The following SHROOM3 variants were observed in gnomAD, a reference collection of about 807,000 sequenced individuals.
SHROOM3 encodes the protein shroom family member 3, also known as protein Shroom3.
SHROOM3 carries 47 observed loss-of-function variants against 138.6 expected under a neutral mutation model. The observed-to-expected ratio is 0.34, with a 90% confidence interval of 0.27 to 0.43. SHROOM3 has a LOEUF of 0.43. Among genes scored for constraint, SHROOM3 ranks in the 20% least tolerant of loss-of-function variants. SHROOM3 has a pLI of 1.00. For missense variants in SHROOM3, 2,491 were observed against 2,596.5 expected (o/e 0.96, Z 0.88); for synonymous variants, 1,062 against 1,063.3 (o/e 1.00, Z 0.02).
intron 1 of SHROOM3, among the ~76,000 whole-genome samples, chr4:76,455,005 A>G (rs912830871): frequency 3.3e-5 from 5 of 152,142 alleles, no homozygotes; most frequent in African/African-American, 9.7e-5. Flanking sequence ...CGCATCTTGC[A>G]ACATCACTGA....
chr4:76,449,125 C>T (rs67822548), intron 1 of SHROOM3, among the ~76,000 whole-genome samples: 8,761 of 152,194 alleles, frequency 0.058, 270 homozygotes, highest in Middle Eastern at 0.075. Context: ...TTCTCCCTCC[C>T]GTCTGAGAGT....
At chr4:76,464,719 G>C (rs982433657) in intron 1 of SHROOM3, among the ~76,000 whole-genome samples, 1 of 152,186 alleles carries the variant, frequency 6.6e-6, no homozygotes, top group African/African-American at 2.4e-5. Flanking sequence ...TCATGATAGT[G>C]AGTGAATTCT....
intron 2 of SHROOM3, among the ~76,000 whole-genome samples, chr4:76,633,308 G>A (rs1470511977): frequency 6.8e-6 from 1 of 146,926 alleles, no homozygotes; most frequent in Admixed American, 6.8e-5. Context: ...ACTCCAGCCT[G>A]GGGGACAGAG....
chr4:76,764,499 C>CTGGTCTTACTTCCTTT (rs1252971230), intron 9 of SHROOM3, among the ~76,000 whole-genome samples: 1 of 152,236 alleles, frequency 6.6e-6, no homozygotes, highest in African/African-American at 2.4e-5. Flanking sequence ...AGCTCTCCCT[C>CTGGTCTTACTTCCTTT]TGGTCTTACT....
chr4:76,567,364 G>A (rs1054597534), intron 2 of SHROOM3, among the ~76,000 whole-genome samples: 4 of 152,114 alleles, frequency 2.6e-5, no homozygotes, highest in African/African-American at 7.2e-5. Flanking sequence ...GTGAAACCCC[G>A]TCTCAGCCGG....
chr4:76,726,785 T>C (rs1362646308), intron 3 of SHROOM3, among the ~76,000 whole-genome samples: 1 of 152,126 alleles, frequency 6.6e-6, no homozygotes, highest in Non-Finnish European at 1.5e-5. Context: ...CTAGAGGGCC[T>C]ATCTGGAACC....
At position 76,489,246 on chromosome 4, in the gene SHROOM3, T is replaced by C. The variant is rs573451157; in HGVS notation, c.168+53026T>C. ...ATCTTTCAAGATATGCAATTTTTTT[T>C]CTTAACAGAATGAATGCTCCTGTAT... On this transcript the variant is annotated intron_variant, in intron 1 of 10. Coordinates refer to ENST00000296043, the MANE Select transcript of SHROOM3 (RefSeq NM_020859.4). Among the ~76,000 whole-genome samples, 3 of 152,342 alleles carry C rather than the reference T, an allele frequency of 2.0e-5. No individual in the cohort carries two copies. In the East Asian group the frequency reaches 5.8e-4, roughly 29 times the overall value.
intron 1 of SHROOM3, among the ~76,000 whole-genome samples, chr4:76,495,363 C>T (rs1304426016): frequency 6.6e-6 from 1 of 152,208 alleles, no homozygotes; most frequent in Non-Finnish European, 1.5e-5. Flanking sequence ...TACCTTCCCC[C>T]CAGGGATGGC....
intron 1 of SHROOM3, among the ~76,000 whole-genome samples, chr4:76,497,644 G>T (rs1202845622): frequency 6.6e-6 from 1 of 152,122 alleles, no homozygotes; most frequent in Non-Finnish European, 1.5e-5. Context: ...GATCACCTGA[G>T]GTCAGGAATT....
rs142329345 is a variant in SHROOM3 at position 76,606,995 on chromosome 4, C to CTGTG, written c.323+51246_323+51249dup. 7.9e-5 allele frequency among the ~76,000 whole-genome samples: 12 copies of CTGTG among 151,104 alleles called. No homozygotes were observed. In the East Asian group the frequency reaches 1.2e-3, roughly 15 times the overall value. ...TCAAAAATGGCAGTGTGTTCAAAAA[C>CTGTG]TGTGTGTGTGTGTGTGTCATATTTA... On this transcript the variant is annotated intron_variant, in intron 2 of 10. Transcript: ENST00000296043.
intron 1 of SHROOM3, among the ~76,000 whole-genome samples, chr4:76,463,379 CT>C (rs1437824548): frequency 6.6e-6 from 1 of 152,164 alleles, no homozygotes; most frequent in African/African-American, 2.4e-5. Context: ...CTTCTAACAG[CT>C]TAGGCTCATA....
At chr4:76,538,733 C>CT (rs60628667) in intron 1 of SHROOM3, among the ~76,000 whole-genome samples, 4,106 of 152,230 alleles carry the variant, frequency 0.027, 201 homozygotes, top group African/African-American at 0.092. Context: ...TGTATTTGTT[C>CT]TTTTGGGGAC....
In SHROOM3 at chr4:76,754,536, G is replaced by A. The variant is rs1721738856; in HGVS notation, c.4053G>A (p.Leu1351=). 2 of 1,613,470 alleles carry A rather than the reference G, an allele frequency of 1.2e-6. No homozygotes were observed. Among genetic ancestry groups the A allele is most frequent in the Admixed American group, 1.7e-5 (1 of 59,978 alleles). Residue 1351 remains leucine, a synonymous_variant, in exon 7 of 11, where the codon CTG becomes CTA. Transcript: ENST00000296043. ...TCACAGACACCAGGGCTGCACCCCTGACCCCAATTGGCACCCCTCTGCCTT... is the reference window on the plus strand; with the variant it reads ...TCACAGACACCAGGGCTGCACCCCTAACCCCAATTGGCACCCCTCTGCCTT... The part of the protein sequence containing the change: ...GLVTDTRAAP[L]TPIGTPLPSA...
intron 1 of SHROOM3, among the ~76,000 whole-genome samples, chr4:76,544,218 C>T (rs369098059): frequency 1.6e-4 from 24 of 152,124 alleles, no homozygotes; most frequent in African/African-American, 5.5e-4. Context: ...AAACAGGGAG[C>T]AAAATATGAT....
intron 2 of SHROOM3, among the ~76,000 whole-genome samples, chr4:76,640,680 T>C (rs1411872409): frequency 6.6e-6 from 1 of 152,214 alleles, no homozygotes; most frequent in Non-Finnish European, 1.5e-5. Flanking sequence ...TCTGAGCTGG[T>C]TGGCATCATT....
At chr4:76,719,746 C>T (rs1221167990) in intron 3 of SHROOM3, among the ~76,000 whole-genome samples, 2 of 152,138 alleles carry the variant, frequency 1.3e-5, no homozygotes, top group African/African-American at 4.8e-5. Flanking sequence ...GTAGTGTTTT[C>T]ATGCAGTAAT....
In SHROOM3 at chr4:76,551,922, T is replaced by C. The variant is rs555449128; in HGVS notation, c.169-3687T>C. Among the ~76,000 whole-genome samples the C allele has an allele frequency of 2.4e-3, 360 of 151,344 alleles. 1 individual carries two copies. The highest frequency in any genetic ancestry group is 5.0e-3 in the South Asian group (24 of 4,762). ...TGTCACCCAGGCTGGAGTGCAGTGG[T>C]GCGATCTCGGCTCACTGCAAGCTCT... is the stretch of plus-strand genomic sequence containing the variant. On this transcript the variant is annotated intron_variant, in intron 1 of 10. Transcript: ENST00000296043.
intron 1 of SHROOM3, among the ~76,000 whole-genome samples, chr4:76,441,086 G>GCTT (rs1730659977): frequency 1.2e-5 from 1 of 82,182 alleles, no homozygotes; most frequent in East Asian, 4.6e-4. Flanking sequence ...AGTTCAATTT[G>GCTT]TTTTTTTTTT....
At chr4:76,516,506 A>G (rs1457113534) in intron 1 of SHROOM3, among the ~76,000 whole-genome samples, 4 of 152,144 alleles carry the variant, frequency 2.6e-5, no homozygotes, top group African/African-American at 9.7e-5. Flanking sequence ...AGGAGCCTAG[A>G]GGAATCCCTG....
Sources: allele counts gnomAD v4.1 joint callset (sites outside exome capture counted in the v4.1 genomes callset), GRCh38; gene constraint gnomAD v4.1.1; transcripts MANE v1.5; gene names NCBI Gene and HGNC (gene_info 2026-07-23, HGNC 2026-07-21).